The following CUL1 variants were observed in gnomAD, a reference collection of about 807,000 sequenced individuals.
The protein encoded by CUL1 is cullin-1.
CUL1 carries 24 observed loss-of-function variants against 118.0 expected under a neutral mutation model. The observed-to-expected ratio is 0.20, with a 90% CI of 0.15 to 0.29. The LOEUF (loss-of-function observed/expected upper bound fraction) is 0.29, where lower values mean the gene tolerates loss of function less well. CUL1 is among the 10% of genes least tolerant of loss of function. The probability of loss-of-function intolerance (pLI) is 1.00; values close to 1 mark genes in which losing one functional copy is unlikely to be tolerated. For missense variants in CUL1, 361 were observed against 933.8 expected, an observed-to-expected ratio of 0.39 and a Z score of 7.99; for synonymous variants, 332 against 340.4, an observed-to-expected ratio of 0.98 and a Z score of 0.27.
rs1800901339 is a variant in CUL1 at position 148,788,692 on chromosome 7, T to C, written c.1597+18T>C. ...CCTAGACTGTGAGTATCCGTGTGTC[T>C]CTATGTTGTGTTTACAGGCAGAGTT... is the stretch of plus-strand genomic sequence containing the variant. On this transcript the variant is annotated intron_variant, in intron 14 of 21. Transcript: ENST00000325222. The C allele has an allele frequency of 1.3e-6, 2 of 1,511,894 alleles. No individual in the cohort carries two copies. The highest frequency in any genetic ancestry group is 1.8e-6 in the Non-Finnish European group (2 of 1,090,414). The allele number at this position is 1,511,894 out of a possible 1,614,324, so 93.7% of individuals were successfully genotyped here. A position where few individuals can be genotyped will look rare whatever the true frequency, so the allele number is the denominator to read the frequency against.
chr7:148,773,824 T>TAGCATCTCCCCCTTGAAATAATGGC (rs1800305126), intron 9 of CUL1, among the ~76,000 whole-genome samples: 2 of 152,230 alleles, frequency 1.3e-5, no homozygotes, highest in South Asian at 4.1e-4. Context: ...CTTGGAATGG[T>TAGCATCTCCCCCTTGAAATAATGGC]AGCATCTCCC....
chr7:148,759,390 A>G, intron 5 of CUL1, 36 bp downstream of exon 5: 1 of 1,608,762 alleles, frequency 6.2e-7, no homozygotes, highest in East Asian at 2.2e-5. Flanking sequence ...TGTTCCTTTT[A>G]AAATCCCTTC....
chr7:148,740,069 T>C (rs1799092267), intron 2 of CUL1, among the ~76,000 whole-genome samples: 1 of 152,012 alleles, frequency 6.6e-6, no homozygotes. Flanking sequence ...TTTTTTTTTT[T>C]TTGAGACAGT....
chr7:148,756,497 C>T (rs866382504), intron 3 of CUL1, among the ~76,000 whole-genome samples: 30 of 152,152 alleles, frequency 2.0e-4, no homozygotes, highest in African/African-American at 6.0e-4. Flanking sequence ...CACCACGCCC[C>T]GGCTAATTTT....
At position 148,774,747 on chromosome 7, in the gene CUL1, T is replaced by G. The variant is rs6965547; in HGVS notation, c.1083+6998T>G. 2.7e-3 allele frequency among the ~76,000 whole-genome samples: 409 copies of G among 152,328 alleles called. 3 individuals are homozygous for G. The highest frequency in any genetic ancestry group is 8.4e-3 in the African/African-American group (350 of 41,580). On this transcript the variant is annotated intron_variant, in intron 9 of 21. Transcript: ENST00000325222. Reference sequence around the variant, plus strand: ...CAACAGAGATGGGTCTGTGAGATACTTCAACACCCGGCAGGGCTGCTGGGT... The same window carrying G: ...CAACAGAGATGGGTCTGTGAGATACGTCAACACCCGGCAGGGCTGCTGGGT...
At chr7:148,795,938 G>C (rs1426608804) in intron 17 of CUL1, among the ~76,000 whole-genome samples, 1 of 151,950 alleles carries the variant, frequency 6.6e-6, no homozygotes, top group South Asian at 2.1e-4. Context: ...AGGCAGTTTT[G>C]CTTCTTCCTT....
chr7:148,752,373 G>A lies in CUL1; in HGVS notation c.141-1603G>A, dbSNP rs114984036. ...GTAAGATCTATCAAAACTGGGTCAT[G>A]AGTATACAGTAGTTGTTTATTGTAA... On this transcript the variant is annotated intron_variant, in intron 2 of 21. Transcript: ENST00000325222. Among the ~76,000 whole-genome samples, 679 of 150,026 alleles carry A rather than the reference G, an allele frequency of 4.5e-3. 8 individuals carry two copies. Among genetic ancestry groups the A allele is most frequent in the African/African-American group, 0.016 (633 of 39,988 alleles).
At chr7:148,750,698 G>C (rs1321597392) in intron 2 of CUL1, among the ~76,000 whole-genome samples, 1 of 152,148 alleles carries the variant, frequency 6.6e-6, no homozygotes, top group Admixed American at 6.5e-5. Context: ...AGAAGTTAAT[G>C]CTTGTGTCAA....
At position 148,715,090 on chromosome 7, in the gene CUL1, T is replaced by C. The variant is rs189716737; in HGVS notation, c.-161-14872T>C. On this transcript the variant is annotated intron_variant, in intron 1 of 21. Transcript: ENST00000325222. Reference sequence around the variant, plus strand: ...TCATGTCTGTTCATTTGCAAGTTTGTTGTAATTATGCTTGTATACTGGCTT... The same window carrying C: ...TCATGTCTGTTCATTTGCAAGTTTGCTGTAATTATGCTTGTATACTGGCTT... Among the ~76,000 whole-genome samples the C allele has an allele frequency of 1.3e-3, 199 of 152,340 alleles. 1 individual carries two copies. The highest frequency in any genetic ancestry group is 2.1e-4 in the Non-Finnish European group (14 of 68,028).
chr7:148,735,660 C>T (rs568731289), intron 2 of CUL1, among the ~76,000 whole-genome samples: 61 of 152,322 alleles, frequency 4.0e-4, no homozygotes, highest in Admixed American at 2.4e-3. Context: ...AGGAGTCTTA[C>T]ATTAATCTGA....
At chr7:148,797,161 G>A (rs1801228939) in intron 17 of CUL1, among the ~76,000 whole-genome samples, 1 of 152,140 alleles carries the variant, frequency 6.6e-6, no homozygotes, top group Non-Finnish European at 1.5e-5. Flanking sequence ...GCCTGCCGCT[G>A]AGCCCCACTG....
chr7:148,700,153 G>A (rs993282724), intron 1 of CUL1, among the ~76,000 whole-genome samples: 3 of 152,140 alleles, frequency 2.0e-5, no homozygotes, highest in Admixed American at 2.0e-4. Context: ...ATACTGAATT[G>A]CAGTCTACTT....
chr7:148,775,185 C>T (rs913894681), intron 9 of CUL1, among the ~76,000 whole-genome samples: 44 of 152,170 alleles, frequency 2.9e-4, no homozygotes, highest in African/African-American at 9.4e-4. Context: ...TCCAAGATCC[C>T]CTTTCTCTTC....
At chr7:148,712,607 A>G (rs1798085498) in intron 1 of CUL1, among the ~76,000 whole-genome samples, 1 of 152,248 alleles carries the variant, frequency 6.6e-6, no homozygotes. Flanking sequence ...AACCCTTTAT[A>G]GTAGTGTTAA....
intron 9 of CUL1, among the ~76,000 whole-genome samples, chr7:148,769,190 A>G (rs1224195528): frequency 6.6e-6 from 1 of 152,140 alleles, no homozygotes; most frequent in Non-Finnish European, 1.5e-5. Context: ...TTTTAAATAG[A>G]ATGATAATGC....
At chr7:148,750,541 CA>C (rs919892735) in intron 2 of CUL1, among the ~76,000 whole-genome samples, 32 of 152,190 alleles carry the variant, frequency 2.1e-4, no homozygotes, top group African/African-American at 7.5e-4. Context: ...TGAGTGAGAA[CA>C]TGCAGTGTTT....
rs141803785 is a variant in CUL1, at chr7:148,730,381, G to T, written c.140+119G>T. On this transcript the variant is annotated intron_variant, in intron 2 of 21. Coordinates refer to ENST00000325222, the MANE Select transcript of CUL1 (RefSeq NM_003592.3). ...TCCCAGTTCATCATGTAAAATAATC[G>T]CAGGGTTCATTTTTAGCCTTAAGTT... 1,264 of 1,195,702 alleles carry T rather than the reference G, an allele frequency of 1.1e-3. 32 individuals are homozygous for T. The East Asian group carries it at 0.027, about 25-fold the overall frequency. 74.1% of individuals were successfully genotyped at this position (1,195,702 alleles called of 1,614,324 possible). A position where few individuals can be genotyped will look rare whatever the true frequency, so the allele number is the denominator to read the frequency against.
intron 7 of CUL1, 140 bp downstream of exon 7, chr7:148,760,636 T>G (rs1336558221): frequency 2.2e-5 from 13 of 586,710 alleles, no homozygotes; most frequent in Non-Finnish European, 3.8e-5. Context: ...CAGGTGCAAG[T>G]GCTTCTCCTA....
rs568585338 is a variant in CUL1, at chr7:148,787,857, T to C, written c.1480-700T>C. ...TGTGTGTCGGCGCTGTCGAGTGCTCTTATCTGACTTGGGACATACTTTACT... is the reference window on the plus strand; with the variant it reads ...TGTGTGTCGGCGCTGTCGAGTGCTCCTATCTGACTTGGGACATACTTTACT... On this transcript the variant is annotated intron_variant, in intron 13 of 21. Transcript: ENST00000325222. The surrounding 1 kb of genome is among the most constrained non-coding windows in gnomAD (Gnocchi z 5.5). Among the ~76,000 whole-genome samples, 9 of 152,352 alleles carry C rather than the reference T, an allele frequency of 5.9e-5. No homozygotes were observed. In the East Asian group the frequency reaches 9.6e-4, roughly 16 times the overall value.
Sources: allele counts gnomAD v4.1 joint callset (sites outside exome capture counted in the v4.1 genomes callset), GRCh38; gene constraint gnomAD v4.1.1; non-coding constraint Gnocchi (gnomAD v3.1); transcripts MANE v1.5; gene names NCBI Gene and HGNC (gene_info 2026-07-23, HGNC 2026-07-21).